Variants in FUBP3 observed in about 807,000 individuals in gnomAD.
FUBP3 encodes far upstream element binding protein 3, also known as far upstream element-binding protein 3.
Under a neutral mutation model 85.6 loss-of-function variants are expected in FUBP3, and 28 were observed. That is an observed-to-expected ratio of 0.33 (90% CI 0.24 to 0.45). The LOEUF is 0.45. Among genes scored for constraint, FUBP3 ranks in the 20% least tolerant of loss-of-function variants. The probability of loss-of-function intolerance (pLI) is 1.00; values close to 1 mark genes in which losing one functional copy is unlikely to be tolerated. For missense variants in FUBP3, 583 were observed against 755.1 expected (o/e 0.77, Z 2.67); for synonymous variants, 271 against 271.4 (o/e 1.00, Z 0.01).
At chr9:130,606,571 A>G (rs570888565) in intron 2 of FUBP3, among the ~76,000 whole-genome samples, 2 of 152,222 alleles carry the variant, frequency 1.3e-5, no homozygotes, top group South Asian at 4.1e-4. Flanking sequence ...CTGTAATCCC[A>G]GCACTTTGGG....
chr9:130,609,024 G>T (rs1244177408), intron 2 of FUBP3, among the ~76,000 whole-genome samples: 1 of 152,180 alleles, frequency 6.6e-6, no homozygotes. Context: ...CCCCAAAGAC[G>T]TATTTCTGAA....
intron 2 of FUBP3, among the ~76,000 whole-genome samples, chr9:130,600,089 T>TTTCC (rs1397954539): frequency 7.4e-6 from 1 of 134,864 alleles, no homozygotes; most frequent in Non-Finnish European, 1.5e-5. Flanking sequence ...CTCTCTACCT[T>TTTCC]TTCCTTCCTT....
chr9:130,628,000 C>T (rs1036922283), intron 12 of FUBP3, among the ~76,000 whole-genome samples: 1 of 152,086 alleles, frequency 6.6e-6, no homozygotes, highest in South Asian at 2.1e-4. Context: ...GTGTCCCATG[C>T]TTGAATAGCA....
At chr9:130,580,150 C>T (rs958207040) in intron 1 of FUBP3, among the ~76,000 whole-genome samples, 7 of 152,172 alleles carry the variant, frequency 4.6e-5, no homozygotes, top group African/African-American at 1.7e-4. Flanking sequence ...TGTCTGACGC[C>T]CAGTAGCTTG....
At chr9:130,609,282 TAA>T (rs1831619904) in intron 2 of FUBP3, among the ~76,000 whole-genome samples, 3 of 152,178 alleles carry the variant, frequency 2.0e-5, no homozygotes, top group Non-Finnish European at 4.4e-5. Context: ...GTTTTAATAA[TAA>T]GAGGCTGTTT....
At chr9:130,581,514 G>A (rs889924165) in intron 1 of FUBP3, 1 of 152,194 alleles carries the variant, frequency 6.6e-6, no homozygotes, top group African/African-American at 2.4e-5. Context: ...GAAAAACCAG[G>A]TTGGTGGGTA....
intron 1 of FUBP3, chr9:130,582,168 G>A (rs752680967): frequency 2.6e-5 from 4 of 152,186 alleles, no homozygotes; most frequent in Non-Finnish European, 5.9e-5. Flanking sequence ...AATGTGATCT[G>A]GGCAAGTCAC....
rs71501153 is a variant in FUBP3 at position 130,635,228 on chromosome 9, C to T, written c.1582+490C>T. Among the ~76,000 whole-genome samples the T allele has an allele frequency of 4.7e-3, 709 of 152,200 alleles. No homozygotes were observed. Among genetic ancestry groups the T allele is most frequent in the Middle Eastern group, 6.8e-3 (2 of 294 alleles). ...CTTAGTTTCTCTTCTTAAGTAGGCC[C>T]GTTTTCTAACTACCAGAAATGAAAC... On this transcript the variant is annotated intron_variant, in intron 17 of 18. Transcript: ENST00000319725. The surrounding 1 kb of genome is among the most constrained non-coding windows in gnomAD (Gnocchi z 4.3).
At chr9:130,592,881 T>A (rs1404646502) in intron 1 of FUBP3, among the ~76,000 whole-genome samples, 1 of 152,142 alleles carries the variant, frequency 6.6e-6, no homozygotes, top group African/African-American at 2.4e-5. Flanking sequence ...CATGTTACTC[T>A]CCTGCTTAAG....
In FUBP3 at chr9:130,579,642, GCGGCGT is replaced by G. The variant is rs1173164624; in HGVS notation, c.-33_-28del. ...ACCGGGGAGCCGAGCGGCGGCGTCG[GCGGCGT>G]CGGCGGCGGCGGCGACGGCGGCGGG... On this transcript the variant is annotated 5_prime_UTR_variant, in exon 1 of 19. Transcript: ENST00000319725. 4.2e-6 allele frequency: 5 copies of G among 1,196,362 alleles called. No individual in the cohort carries two copies. Among genetic ancestry groups the G allele is most frequent in the Non-Finnish European group, 5.2e-6 (5 of 953,578 alleles). The allele number at this position is 1,196,362 out of a possible 1,614,324, so 74.1% of individuals were successfully genotyped here.
intron 10 of FUBP3, 91 bp from the exon 11 acceptor site, chr9:130,623,520 G>T: frequency 2.4e-6 from 2 of 847,304 alleles, no homozygotes; most frequent in South Asian, 2.9e-5. Flanking sequence ...TTGGCACCGC[G>T]GGTGAGAATA....
At chr9:130,621,076 C>G (rs529354528) in intron 9 of FUBP3, among the ~76,000 whole-genome samples, 1 of 152,154 alleles carries the variant, frequency 6.6e-6, no homozygotes, top group Admixed American at 6.5e-5. Flanking sequence ...GGTTACACAA[C>G]ATTGTGAATG....
intron 1 of FUBP3, among the ~76,000 whole-genome samples, chr9:130,587,525 A>C (rs986424365): frequency 6.6e-6 from 1 of 152,198 alleles, no homozygotes; most frequent in Non-Finnish European, 1.5e-5. Flanking sequence ...CATTCTGCCT[A>C]CAAGTGGGCC....
rs1231201704 is a variant in FUBP3 at position 130,616,321 on chromosome 9, G to A, written c.405-34G>A. On this transcript the variant is annotated intron_variant, in intron 6 of 18. Coordinates refer to ENST00000319725, the MANE Select transcript of FUBP3 (RefSeq NM_003934.2). The surrounding 1 kb of genome is among the most constrained non-coding windows in gnomAD (Gnocchi z 4.7). ...TGCACACTTAGAGCCTCCATTTAAT[G>A]CTGGTTCTCTTGTGGTTCTTTTCCC... 1.9e-6 allele frequency: 3 copies of A among 1,610,548 alleles called. No homozygotes were observed. The highest frequency in any genetic ancestry group is 2.5e-6 in the Non-Finnish European group (3 of 1,177,238).
intron 1 of FUBP3, among the ~76,000 whole-genome samples, chr9:130,586,855 A>G (rs1312214090): frequency 1.4e-5 from 2 of 146,434 alleles, no homozygotes; most frequent in Non-Finnish European, 1.5e-5. Flanking sequence ...GGTTCACACC[A>G]TTCTCCTGCT....
At chr9:130,630,853 A>G in intron 13 of FUBP3, 65 bp downstream of exon 13, 1 of 1,240,822 alleles carries the variant, frequency 8.1e-7, no homozygotes, top group Non-Finnish European at 1.1e-6. Flanking sequence ...TGTCCAAGGT[A>G]CCAGCTTTTC....
chr9:130,608,193 G>A lies in FUBP3; in HGVS notation c.191-1761G>A, dbSNP rs139014993. On this transcript the variant is annotated intron_variant, in intron 2 of 18. Coordinates refer to ENST00000319725, the MANE Select transcript of FUBP3 (RefSeq NM_003934.2). ...CCTTTGACATCCTTTACCAAACAAC[G>A]CAGTGGACCAGAACCCACGGTGCGG... Among the ~76,000 whole-genome samples the A allele has an allele frequency of 2.7e-3, 408 of 152,236 alleles. 3 individuals carry two copies. The highest frequency in any genetic ancestry group is 9.6e-3 in the African/African-American group (398 of 41,524).
chr9:130,627,041 A>C (rs1830007016), intron 12 of FUBP3, among the ~76,000 whole-genome samples: 1 of 152,184 alleles, frequency 6.6e-6, no homozygotes, highest in Admixed American at 6.5e-5. Context: ...TTGATGTGTT[A>C]GTTTTTTCTG....
chr9:130,592,870 G>A (rs1273448767), intron 1 of FUBP3, among the ~76,000 whole-genome samples: 3 of 152,104 alleles, frequency 2.0e-5, no homozygotes, highest in African/African-American at 7.2e-5. Flanking sequence ...GCAGAAATCA[G>A]CATGTTACTC....
Sources: allele counts gnomAD v4.1 joint callset (sites outside exome capture counted in the v4.1 genomes callset), GRCh38; gene constraint gnomAD v4.1.1; non-coding constraint Gnocchi (gnomAD v3.1); transcripts MANE v1.5; gene names NCBI Gene and HGNC (gene_info 2026-07-23, HGNC 2026-07-21).